Variants in MIB1 observed in about 807,000 individuals in gnomAD.
The protein encoded by MIB1 is MIB E3 ubiquitin protein ligase 1.
A neutral mutation model predicts 124.5 loss-of-function variants in MIB1; 278 were observed. That is an observed-to-expected ratio of 2.23 (90% CI 2.02 to 2.47). The LOEUF (loss-of-function observed/expected upper bound fraction) is 2.47, where lower values mean the gene tolerates loss of function less well. Ranked by LOEUF, MIB1 falls within the 30% of genes most tolerant of loss-of-function variation. The pLI is 0.00. For missense variants in MIB1, 957 were observed against 1,254.4 expected, an observed-to-expected ratio of 0.76 and a Z score of 3.58; for synonymous variants, 446 against 429.4, an observed-to-expected ratio of 1.04 and a Z score of -0.48.
At chr18:21,861,255 C>T (rs2042273949) in intron 20 of MIB1, among the ~76,000 whole-genome samples, 1 of 151,910 alleles carries the variant, frequency 6.6e-6, no homozygotes, top group Non-Finnish European at 1.5e-5. Flanking sequence ...TAAAATAAAA[C>T]ATTTAATATA....
intron 1 of MIB1, among the ~76,000 whole-genome samples, chr18:21,728,019 G>A (rs1450522341): frequency 6.6e-6 from 1 of 152,104 alleles, no homozygotes; most frequent in African/African-American, 2.4e-5. Context: ...AACTGAGAGC[G>A]AATAAACATG....
intron 2 of MIB1, among the ~76,000 whole-genome samples, chr18:21,767,016 G>A (rs2041169078): frequency 6.6e-6 from 1 of 152,094 alleles, no homozygotes; most frequent in African/African-American, 2.4e-5. Context: ...AACCAAGCTG[G>A]ACCAGATACT....
chr18:21,743,319 A>G (rs2040876590), intron 1 of MIB1, among the ~76,000 whole-genome samples: 1 of 152,146 alleles, frequency 6.6e-6, no homozygotes, highest in African/African-American at 2.4e-5. Flanking sequence ...ACTAAATTAT[A>G]TTGGTGATTG....
At chr18:21,713,754 CTT>C (rs79864353) in intron 1 of MIB1, among the ~76,000 whole-genome samples, 17 of 138,246 alleles carry the variant, frequency 1.2e-4, no homozygotes, top group Admixed American at 1.5e-4. Context: ...CACCCCTCTC[CTT>C]TTTTTTTTTT....
At chr18:21,768,063 A>G (rs1253940831) in intron 2 of MIB1, among the ~76,000 whole-genome samples, 1 of 152,066 alleles carries the variant, frequency 6.6e-6, no homozygotes, top group African/African-American at 2.4e-5. Flanking sequence ...AGTCCCTGCC[A>G]TTTCCTGTTA....
chr18:21,734,105 A>ATTTTTTT (rs1187958268), intron 1 of MIB1, among the ~76,000 whole-genome samples: 1 of 118,134 alleles, frequency 8.5e-6, no homozygotes, highest in African/African-American at 3.1e-5. Flanking sequence ...TCTTGCTTTG[A>ATTTTTTT]TTTTTTTTTT....
intron 12 of MIB1, among the ~76,000 whole-genome samples, chr18:21,837,688 A>G (rs2040229): frequency 0.95 from 144,799 of 152,132 alleles, 69,084 homozygotes; most frequent in Middle Eastern, 0.99. Flanking sequence ...TTTTGCTTTG[A>G]AAATACTTTA....
chr18:21,779,989 G>A (rs1273420610), intron 6 of MIB1, among the ~76,000 whole-genome samples: 3 of 151,892 alleles, frequency 2.0e-5, no homozygotes, highest in Non-Finnish European at 4.4e-5. Flanking sequence ...TCACTATTAG[G>A]TCTGAATACA....
intron 1 of MIB1, among the ~76,000 whole-genome samples, chr18:21,753,192 A>G (rs546752008): frequency 1.3e-5 from 2 of 152,152 alleles, no homozygotes; most frequent in East Asian, 3.9e-4. Flanking sequence ...CTTTATTTTT[A>G]TTTATTTATT....
intron 1 of MIB1, among the ~76,000 whole-genome samples, chr18:21,717,259 G>T (rs558499411): frequency 1.5e-3 from 228 of 152,214 alleles, no homozygotes; most frequent in Non-Finnish European, 2.2e-3. Context: ...ATGGATTAAG[G>T]ACTTAAATCT....
chr18:21,819,786 T>TGAAAGTTATGTGAAAA (rs2041863276), intron 12 of MIB1, 140 bp downstream of exon 12: 11 of 454,808 alleles, frequency 2.4e-5, no homozygotes, highest in Non-Finnish European at 1.1e-5. Flanking sequence ...ATATTATGCC[T>TGAAAGTTATGTGAAAA]TTAGTTTTAT....
intron 5 of MIB1, among the ~76,000 whole-genome samples, chr18:21,778,803 A>T (rs889851818): frequency 3.3e-5 from 5 of 151,748 alleles, no homozygotes; most frequent in East Asian, 1.9e-4. Flanking sequence ...ATTTTTTTTT[A>T]AAAAAGGAGA....
chr18:21,865,905 T>TAAAAACAAAAAAA lies in MIB1; in HGVS notation c.*1248_*1249insAAAAAAAAACAAA, dbSNP rs1555697486. ...GAAATGTCTGCTTACCTGTAGACTT[T>TAAAAACAAAAAAA]AAAAACAAACAAAATTTTTGGAGCA... On this transcript the variant is annotated 3_prime_UTR_variant, in exon 21 of 21. Transcript: ENST00000261537. 2 of 151,684 alleles carry TAAAAACAAAAAAA rather than the reference T, an allele frequency of 1.3e-5. No homozygotes were observed. The highest frequency in any genetic ancestry group is 6.6e-5 in the Admixed American group (1 of 15,214). 9.4% of individuals were successfully genotyped at this position (151,684 alleles called of 1,614,324 possible). A position where few individuals can be genotyped will look rare whatever the true frequency, so the allele number is the denominator to read the frequency against.
At chr18:21,731,558 C>A (rs947591312) in intron 1 of MIB1, among the ~76,000 whole-genome samples, 18 of 151,676 alleles carry the variant, frequency 1.2e-4, no homozygotes, top group Non-Finnish European at 2.5e-4. Context: ...ACGGTGAAAC[C>A]CCGTCTCTAC....
intron 1 of MIB1, among the ~76,000 whole-genome samples, chr18:21,758,450 T>A (rs1392244562): frequency 6.6e-6 from 1 of 152,204 alleles, no homozygotes; most frequent in East Asian, 1.9e-4. Flanking sequence ...GTTGAATGAA[T>A]CCATAAATTA....
chr18:21,808,101 CTT>C (rs1382349997), intron 10 of MIB1, among the ~76,000 whole-genome samples: 1 of 152,158 alleles, frequency 6.6e-6, no homozygotes, highest in Non-Finnish European at 1.5e-5. Context: ...TGTTAAAAAA[CTT>C]TATTACACCT....
At chr18:21,793,488 GA>G (rs1302947986) in intron 7 of MIB1, among the ~76,000 whole-genome samples, 1 of 152,124 alleles carries the variant, frequency 6.6e-6, no homozygotes, top group Non-Finnish European at 1.5e-5. Context: ...TACAGATAGT[GA>G]AAGTATATCA....
chr18:21,859,716 C>T (rs905163792), intron 20 of MIB1, among the ~76,000 whole-genome samples: 1 of 151,690 alleles, frequency 6.6e-6, no homozygotes, highest in African/African-American at 2.4e-5. Flanking sequence ...TGGCAAAACC[C>T]CGTCTCTACT....
chr18:21,857,484 A>G (rs1040892354), intron 19 of MIB1, among the ~76,000 whole-genome samples: 2 of 152,260 alleles, frequency 1.3e-5, no homozygotes, highest in Admixed American at 1.3e-4. Flanking sequence ...TGTATGCTAT[A>G]AAGAATATTG....
Sources: gnomAD v4.1 joint callset for allele counts (sites outside exome capture counted in the v4.1 genomes callset) on GRCh38, gnomAD v4.1.1 for gene constraint, MANE v1.5 for transcripts, NCBI Gene and HGNC (gene_info 2026-07-23, HGNC 2026-07-21) for gene names.